The following EML5 variants were observed in gnomAD, a reference collection of about 807,000 sequenced individuals.
EML5 encodes the protein echinoderm microtubule-associated protein-like 5.
In EML5, 120 loss-of-function variants were observed where a neutral mutation model predicts 250.0. That is an observed-to-expected ratio of 0.48 (90% CI 0.41 to 0.56). The LOEUF (loss-of-function observed/expected upper bound fraction) is 0.56. Among genes scored for constraint, EML5 ranks in the 20% least tolerant of loss-of-function variants. The pLI, the probability that EML5 is intolerant of heterozygous loss-of-function variation, is 0.00. For missense variants in EML5, 2,006 were observed against 2,437.6 expected, an observed-to-expected ratio of 0.82 and a Z score of 3.73; for synonymous variants, 771 against 806.5, an observed-to-expected ratio of 0.96 and a Z score of 0.75.
intron 24 of EML5, among the ~76,000 whole-genome samples, chr14:88,662,128 A>T (rs1233740658): frequency 6.6e-6 from 1 of 152,000 alleles, no homozygotes; most frequent in African/African-American, 2.4e-5. Flanking sequence ...ATAATCAAGT[A>T]AGATTCTTAC....
chr14:88,729,860 CTTGTTTT>C (rs1277919196), intron 7 of EML5, among the ~76,000 whole-genome samples: 5 of 76,970 alleles, frequency 6.5e-5, no homozygotes, highest in Admixed American at 1.3e-4. Flanking sequence ...CACACTCGGT[CTTGTTTT>C]TTGTTTTTTT....
At chr14:88,624,873 A>C in intron 36 of EML5, 97 bp downstream of exon 36, 1 of 1,364,752 alleles carries the variant, frequency 7.3e-7, no homozygotes, top group Non-Finnish European at 1.0e-6. Context: ...GTCGGAGAGG[A>C]CACTCTGTGT....
At chr14:88,622,122 A>G (rs2089105389) in intron 37 of EML5, 1 of 213,546 alleles carries the variant, frequency 4.7e-6, no homozygotes, top group Non-Finnish European at 1.0e-5. Flanking sequence ...GAGTGAGAAC[A>G]TGTATTTATC....
chr14:88,698,468 C>T (rs1297877533), intron 14 of EML5, among the ~76,000 whole-genome samples: 2 of 151,868 alleles, frequency 1.3e-5, no homozygotes, highest in Admixed American at 6.6e-5. Context: ...GGTTTCACTA[C>T]GTGTCCAGGC....
At chr14:88,653,009 C>T (rs1219897753) in intron 27 of EML5, among the ~76,000 whole-genome samples, 1 of 152,108 alleles carries the variant, frequency 6.6e-6, no homozygotes, top group Non-Finnish European at 1.5e-5. Context: ...TGAAGAGGTC[C>T]TTCACATCCC....
intron 25 of EML5, among the ~76,000 whole-genome samples, chr14:88,661,408 G>A (rs776669564): frequency 1.3e-5 from 2 of 152,158 alleles, no homozygotes; most frequent in African/African-American, 2.4e-5. Context: ...GATGTTTCTT[G>A]TAAAAGGGAT....
At chr14:88,720,952 A>G (rs1753409836) in intron 8 of EML5, among the ~76,000 whole-genome samples, 1 of 152,210 alleles carries the variant, frequency 6.6e-6, no homozygotes, top group South Asian at 2.1e-4. Flanking sequence ...ATCAATGTGT[A>G]AAAGTCACAA....
chr14:88,692,189 A>G (rs1476532284), intron 17 of EML5, among the ~76,000 whole-genome samples: 1 of 152,158 alleles, frequency 6.6e-6, no homozygotes, highest in Non-Finnish European at 1.5e-5. Context: ...CAGCCTGGCC[A>G]ACATGGTGAA....
intron 2 of EML5, among the ~76,000 whole-genome samples, chr14:88,747,467 A>C (rs2094022914): frequency 6.6e-6 from 1 of 152,066 alleles, no homozygotes; most frequent in African/African-American, 2.4e-5. Flanking sequence ...CCACACACAC[A>C]AACACAACAA....
At chr14:88,752,510 G>A (rs1224671412) in intron 2 of EML5, among the ~76,000 whole-genome samples, 1 of 152,150 alleles carries the variant, frequency 6.6e-6, no homozygotes, top group Non-Finnish European at 1.5e-5. Flanking sequence ...ACTGCTATAT[G>A]GTGATATAAA....
Position 88,645,517 on chromosome 14 carries a change from T to A in EML5, c.4029-1006A>T, listed in dbSNP as rs376756342. The stretch of plus-strand genomic sequence containing the variant: ...CTTCACATGGCAGGTATTGAATACA[T>A]CCTTCTTGAAAGTGAATTTTCGTAA... On this transcript the variant is annotated intron_variant, in intron 29 of 43. Transcript: ENST00000554922. Among the ~76,000 whole-genome samples, 13 of 152,326 alleles carry A rather than the reference T, an allele frequency of 8.5e-5. No individual in the cohort carries two copies. In the South Asian group the frequency reaches 1.2e-3, roughly 15 times the overall value.
At chr14:88,651,661 TAA>T (rs2091634478) in intron 27 of EML5, among the ~76,000 whole-genome samples, 1 of 152,036 alleles carries the variant, frequency 6.6e-6, no homozygotes, top group South Asian at 2.1e-4. Flanking sequence ...TAATTTTCCT[TAA>T]GTCATATTAA....
At chr14:88,627,272 G>C (rs1405294274) in intron 34 of EML5, 2 of 558,434 alleles carry the variant, frequency 3.6e-6, no homozygotes, top group African/African-American at 3.8e-5. Context: ...TAAATGTTTT[G>C]TCTAAAGTGT....
rs758473083 is a variant in EML5 at position 88,661,797 on chromosome 14, C to T, written c.3532G>A (p.Val1178Ile). ...ATTCCTTCACAGCATAAACCAAGTA[C>T]ACTTGTCCATGATGCCCAAGCAATT... Reference protein sequence around the residue: ...EKIAWASWTSVLGLCCEGIWP... With the variant: ...EKIAWASWTSILGLCCEGIWP... The change falls in exon 25 of 44, where the codon GTA becomes ATA. Residue 1178 changes from valine to isoleucine, a missense_variant. Coordinates refer to ENST00000554922, the MANE Select transcript of EML5 (RefSeq NM_183387.3). 6 of 1,611,884 alleles carry T rather than the reference C, an allele frequency of 3.7e-6. No individual in the cohort carries two copies. The highest frequency in any genetic ancestry group is 4.5e-5 in the East Asian group (2 of 44,826).
intron 7 of EML5, among the ~76,000 whole-genome samples, chr14:88,730,050 T>C (rs2093731296): frequency 6.6e-6 from 1 of 152,172 alleles, no homozygotes; most frequent in South Asian, 2.1e-4. Flanking sequence ...TTTTGAGGGC[T>C]ATCTGTATTA....
chr14:88,644,988 G>A (rs905935243), intron 29 of EML5, among the ~76,000 whole-genome samples: 4 of 150,256 alleles, frequency 2.7e-5, no homozygotes, highest in Non-Finnish European at 4.4e-5. Flanking sequence ...CTGGGATTAC[G>A]GGATCAGGAG....
intron 10 of EML5, among the ~76,000 whole-genome samples, 199 bp from the exon 11 acceptor site, chr14:88,706,625 A>G (rs1042063091): frequency 1.3e-5 from 2 of 152,134 alleles, no homozygotes; most frequent in Non-Finnish European, 2.9e-5. Flanking sequence ...TTCACAAGGA[A>G]CCACAAAGGC....
intron 4 of EML5, among the ~76,000 whole-genome samples, chr14:88,740,879 T>C (rs1380845354): frequency 6.6e-6 from 1 of 152,104 alleles, no homozygotes; most frequent in East Asian, 1.9e-4. Flanking sequence ...AAACTTAGAT[T>C]AAGCCAGGCA....
chr14:88,784,060 A>C (rs768899372), intron 1 of EML5, among the ~76,000 whole-genome samples: 2 of 152,270 alleles, frequency 1.3e-5, no homozygotes, highest in Non-Finnish European at 1.5e-5. Context: ...CAGTGGGTCC[A>C]TGAAGAAATT....
Sources: gnomAD v4.1 joint callset for allele counts (sites outside exome capture counted in the v4.1 genomes callset) on GRCh38, gnomAD v4.1.1 for gene constraint, MANE v1.5 for transcripts, NCBI Gene and HGNC (gene_info 2026-07-23, HGNC 2026-07-21) for gene names.